Variants in IDH2 observed in about 807,000 individuals in gnomAD.
The protein encoded by IDH2 is isocitrate dehydrogenase [NADP], mitochondrial.
A neutral mutation model predicts 50.5 loss-of-function variants in IDH2; 18 were observed. The ratio of observed to expected loss-of-function variants is 0.36; its 90% CI spans 0.25 to 0.53. IDH2 has a LOEUF of 0.53. Ranked by LOEUF, IDH2 falls within the 20% of genes least tolerant of loss-of-function variation. IDH2 has a pLI of 0.92. For synonymous variants in IDH2, 280 were observed against 239.8 expected (o/e 1.17, Z -1.55); for missense variants, 518 against 610.7 (o/e 0.85, Z 1.60).
At chr15:90,094,827 G>A (rs574868111) in intron 1 of IDH2, among the ~76,000 whole-genome samples, 8 of 152,194 alleles carry the variant, frequency 5.3e-5, no homozygotes, top group South Asian at 2.1e-4. Context: ...GCTTGAACCC[G>A]GGAGGTGGAG....
At chr15:90,091,109 G>A (rs1901023729) in intron 2 of IDH2, among the ~76,000 whole-genome samples, 1 of 152,170 alleles carries the variant, frequency 6.6e-6, no homozygotes, top group African/African-American at 2.4e-5. Context: ...GACATACATA[G>A]ACCACGGCAA....
intron 1 of IDH2, among the ~76,000 whole-genome samples, chr15:90,101,433 C>T (rs1901328546): frequency 6.6e-6 from 1 of 152,132 alleles, no homozygotes; most frequent in Non-Finnish European, 1.5e-5. Flanking sequence ...AGCAAGGCAG[C>T]CTGCGTTGGC....
rs769662245 is a variant in IDH2, at chr15:90,102,436, G to C, written c.-46C>G. The stretch of plus-strand genomic sequence containing the variant: ...AGCAGGGCGGGAGAGGTCCGAGCGC[G>C]CGCCGCTCCTCCCGGCTGCCTGGCC... On this transcript the variant is annotated 5_prime_UTR_variant, in exon 1 of 11. Transcript: ENST00000330062. 1 of 1,086,952 alleles carries C rather than the reference G, an allele frequency of 9.2e-7. No individual in the cohort carries two copies. The highest frequency in any genetic ancestry group is 1.2e-6 in the Non-Finnish European group (1 of 852,830). 67.3% of individuals were successfully genotyped at this position (1,086,952 alleles called of 1,614,324 possible).
intron 3 of IDH2, 101 bp downstream of exon 3, chr15:90,090,378 C>G (rs976520537): frequency 8.4e-6 from 11 of 1,317,168 alleles, no homozygotes; most frequent in Admixed American, 3.9e-5. Context: ...CTCCCAGTCC[C>G]GAGATGAGTG....
At position 90,098,733 on chromosome 15, in the gene IDH2, C is replaced by T. The variant is rs991318700; in HGVS notation, c.115+3543G>A. On this transcript the variant is annotated intron_variant, in intron 1 of 10. Transcript: ENST00000330062. The surrounding 1 kb of genome is among the most constrained non-coding windows in gnomAD (Gnocchi z 5.1). ...TAATTTTTGTATTTTTAGTAGAGAC[C>T]GGGTTTCACCATGGTGGCCAGGCAG... Among the ~76,000 whole-genome samples, 4 of 151,964 alleles carry T rather than the reference C, an allele frequency of 2.6e-5. No homozygotes were observed. Among genetic ancestry groups the T allele is most frequent in the Non-Finnish European group, 5.9e-5 (4 of 67,974 alleles).
Position 90,094,394 on chromosome 15 carries a change from G to T in IDH2, c.116-2750C>A, listed in dbSNP as rs1901127236. 2.0e-5 allele frequency among the ~76,000 whole-genome samples: 3 copies of T among 152,354 alleles called. No homozygotes were observed. In the South Asian group the frequency reaches 6.2e-4, roughly 32 times the overall value. On this transcript the variant is annotated intron_variant, in intron 1 of 10. Transcript: ENST00000330062. Reference sequence around the variant, plus strand: ...CCTGGGAAGAAGCAGCAAATGCAGAGCAGGGAACAAGATCTAATAAAACTT... The same window carrying T: ...CCTGGGAAGAAGCAGCAAATGCAGATCAGGGAACAAGATCTAATAAAACTT...
chr15:90,088,925 T>C (rs1900954031), intron 3 of IDH2, among the ~76,000 whole-genome samples, 178 bp from the exon 4 acceptor site: 1 of 148,580 alleles, frequency 6.7e-6, no homozygotes, highest in African/African-American at 2.5e-5. Context: ...TTTTTTTTTT[T>C]TTTTTTGAGA....
In IDH2 at chr15:90,087,176, C is replaced by G. The variant is rs371460407; in HGVS notation, c.903G>C (p.Ser301=). 6.2e-7 allele frequency: 1 copy of G among 1,614,122 alleles called. No homozygotes were observed. Among genetic ancestry groups the G allele is most frequent in the Non-Finnish European group, 8.5e-7 (1 of 1,180,024 alleles). ...DDMVAQVLKS[S]GGFVWACKNY... Reference sequence around the variant, plus strand: ...TCTTGCAGGCCCACACAAAGCCACCCGAAGACTTGAGGACCTGAGCCACCA... The same window carrying G: ...TCTTGCAGGCCCACACAAAGCCACCGGAAGACTTGAGGACCTGAGCCACCA... The change falls in exon 7 of 11, where the codon TCG becomes TCC. Residue 301 remains serine (S), a synonymous_variant. Transcript: ENST00000330062.
chr15:90,086,198 C>G (rs1393029324), intron 7 of IDH2, among the ~76,000 whole-genome samples: 1 of 152,162 alleles, frequency 6.6e-6, no homozygotes, highest in Non-Finnish European at 1.5e-5. Flanking sequence ...TAACAAGACT[C>G]TGCTTTTCAT....
chr15:90,096,806 G>A (rs1901193937), intron 1 of IDH2, among the ~76,000 whole-genome samples: 1 of 151,640 alleles, frequency 6.6e-6, no homozygotes, highest in South Asian at 2.1e-4. Flanking sequence ...CCCAGCTACT[G>A]GGGAGGCTGA....
chr15:90,090,388 G>A, intron 3 of IDH2, 91 bp downstream of exon 3: 4 of 1,405,170 alleles, frequency 2.8e-6, no homozygotes, highest in Non-Finnish European at 3.0e-6. Context: ...CGAGATGAGT[G>A]ACATGGCCAA....
chr15:90,088,312 A>T, intron 5 of IDH2, 47 bp downstream of exon 5: 2 of 1,608,124 alleles, frequency 1.2e-6, no homozygotes, highest in Non-Finnish European at 1.7e-6. Flanking sequence ...AGAGATGAAG[A>T]GACAAGCTGG....
intron 1 of IDH2, among the ~76,000 whole-genome samples, chr15:90,101,549 T>A (rs549488816): frequency 6.6e-6 from 1 of 151,916 alleles, no homozygotes; most frequent in South Asian, 2.1e-4. Context: ...TTCCGCAAAG[T>A]GACATTTTGC....
chr15:90,087,604 T>C (rs1900897312), intron 5 of IDH2, 29 bp from the exon 6 acceptor site: 1 of 1,612,192 alleles, frequency 6.2e-7, no homozygotes, highest in African/African-American at 1.3e-5. Flanking sequence ...GGCCCTGGCG[T>C]GGTGCCCTAG....
Position 90,088,814 on chromosome 15 carries a change from A to G in IDH2, c.374-67T>C, listed in dbSNP as rs551828589. 6.0e-5 allele frequency: 95 copies of G among 1,573,758 alleles called. 2 individuals are homozygous for G. The South Asian group carries it at 1.0e-3, about 17-fold the overall frequency. On this transcript the variant is annotated intron_variant, in intron 3 of 10. Transcript: ENST00000330062. Reference sequence around the variant, plus strand: ...TCTTTCAACCAGAATTTGAACCCCAAGCAACAACACAGCCAGACGGGGGTC... The same window carrying G: ...TCTTTCAACCAGAATTTGAACCCCAGGCAACAACACAGCCAGACGGGGGTC...
intron 1 of IDH2, among the ~76,000 whole-genome samples, chr15:90,094,654 C>G (rs567669038): frequency 6.6e-6 from 1 of 152,328 alleles, no homozygotes; most frequent in South Asian, 2.1e-4. Context: ...GCCTGTAATC[C>G]TAGCACTTTG....
chr15:90,088,837 G>A (rs185894042), intron 3 of IDH2, 90 bp from the exon 4 acceptor site: 4 of 1,430,434 alleles, frequency 2.8e-6, no homozygotes, highest in South Asian at 1.2e-5. Context: ...CCAGACGGGG[G>A]TCCTAAAATT....
At chr15:90,093,324 AC>A (rs1330933981) in intron 1 of IDH2, among the ~76,000 whole-genome samples, 4 of 152,216 alleles carry the variant, frequency 2.6e-5, no homozygotes, top group African/African-American at 9.6e-5. Context: ...CCAAGATATT[AC>A]TTTTGTCCAA....
chr15:90,090,433 G>A (rs760853017), intron 3 of IDH2, 46 bp downstream of exon 3: 2 of 1,604,586 alleles, frequency 1.2e-6, no homozygotes, highest in Non-Finnish European at 1.7e-6. Context: ...GCCGGTGGGA[G>A]AAGCCTGTGA....
Sources: gnomAD v4.1 joint callset for allele counts (sites outside exome capture counted in the v4.1 genomes callset) on GRCh38, gnomAD v4.1.1 for gene constraint, Gnocchi (gnomAD v3.1) non-coding constraint, MANE v1.5 for transcripts, NCBI Gene and HGNC (gene_info 2026-07-23, HGNC 2026-07-21) for gene names.